SH3RF3: variants seen among roughly 807,000 people sequenced by gnomAD.
SH3RF3 encodes SH3 domain containing ring finger 3.
Under a neutral mutation model 66.3 loss-of-function variants are expected in SH3RF3, and 29 were observed. The ratio of observed to expected loss-of-function variants is 0.44; its 90% confidence interval spans 0.33 to 0.60. The LOEUF is 0.60. SH3RF3 is among the 20% of genes least tolerant of loss of function. The probability of loss-of-function intolerance (pLI) is 0.04; values close to 1 mark genes in which losing one functional copy is unlikely to be tolerated. For missense variants in SH3RF3, 1,194 were observed against 1,190.9 expected (o/e 1.00, Z -0.04); for synonymous variants, 583 against 532.0 (o/e 1.10, Z -1.32).
Position 109,318,071 on chromosome 2 carries a change from A to C in SH3RF3, c.574-29603A>C, listed in dbSNP as rs1681928595. 2.0e-5 allele frequency among the ~76,000 whole-genome samples: 3 copies of C among 149,352 alleles called. No homozygotes were observed. The South Asian group carries it at 6.3e-4, about 32-fold the overall frequency. On this transcript the variant is annotated intron_variant, in intron 1 of 9. Transcript: ENST00000309415. Reference sequence around the variant, plus strand: ...GATCCTTTCTCTCCTCTGTTTTTCTAAGCCATGAGCACGCTGAATTTCAGT... The same window carrying C: ...GATCCTTTCTCTCCTCTGTTTTTCTCAGCCATGAGCACGCTGAATTTCAGT...
chr2:109,199,610 A>T (rs1574499830), intron 1 of SH3RF3, among the ~76,000 whole-genome samples: 2 of 34 alleles, frequency 0.059, no homozygotes, highest in African/African-American at 0.1. Flanking sequence ...AATGGAATGG[A>T]ATGGAATGGA....
intron 1 of SH3RF3, among the ~76,000 whole-genome samples, chr2:109,224,572 A>G (rs752325220): frequency 7.3e-4 from 111 of 152,226 alleles, no homozygotes; most frequent in Non-Finnish European, 1.2e-3. Flanking sequence ...TTAAAATTTC[A>G]TTTTGCCAGG....
rs1288724412 is a variant in SH3RF3 at position 109,170,237 on chromosome 2, CTTT to C, written c.573+40126_573+40128del. On this transcript the variant is annotated intron_variant, in intron 1 of 9. Transcript: ENST00000309415. ...TCTCTTTTTTCTCTTCTCTTCTCTTCTTTTCTTTTCTCTTCTCTTCTCTTCTCT... is the reference window on the plus strand; with the variant it reads ...TCTCTTTTTTCTCTTCTCTTCTCTTCTCTTTTCTCTTCTCTTCTCTTCTCT... 2.6e-3 allele frequency among the ~76,000 whole-genome samples: 85 copies of C among 33,026 alleles called. 2 individuals are homozygous for C. The highest frequency in any genetic ancestry group is 8.2e-3 in the African/African-American group (58 of 7,104). The allele number at this position is 33,026 out of a possible 152,430, so 21.7% of individuals were successfully genotyped here. A position where few individuals can be genotyped will look rare whatever the true frequency, so the allele number is the denominator to read the frequency against.
At chr2:109,303,850 G>A (rs185231864) in intron 1 of SH3RF3, among the ~76,000 whole-genome samples, 192 of 152,282 alleles carry the variant, frequency 1.3e-3, no homozygotes, top group South Asian at 5.6e-3. Flanking sequence ...ACCTCTCAGA[G>A]TTGTGCATCG....
chr2:109,235,108 G>T (rs937035929), intron 1 of SH3RF3, among the ~76,000 whole-genome samples: 17 of 152,218 alleles, frequency 1.1e-4, no homozygotes, highest in African/African-American at 3.6e-4. Context: ...GCAATAAGCA[G>T]TACGGTTTTA....
chr2:109,463,315 C>T (rs559186624), intron 8 of SH3RF3, among the ~76,000 whole-genome samples: 15 of 152,342 alleles, frequency 9.8e-5, no homozygotes, highest in East Asian at 3.9e-4. Flanking sequence ...ACTTGTCTCA[C>T]GGTATTACCA....
intron 1 of SH3RF3, among the ~76,000 whole-genome samples, chr2:109,229,598 G>A (rs1275371376): frequency 6.6e-6 from 1 of 152,128 alleles, no homozygotes; most frequent in Non-Finnish European, 1.5e-5. Context: ...ACACTCATGA[G>A]CAAGTTGTTC....
Position 109,504,260 on chromosome 2 carries a change from C to G in SH3RF3, c.*2589C>G, listed in dbSNP as rs1679472224. 1 of 152,232 alleles carries G rather than the reference C, an allele frequency of 6.6e-6. No individual in the cohort carries two copies. Among genetic ancestry groups the G allele is most frequent in the Non-Finnish European group, 1.5e-5 (1 of 68,064 alleles). The allele number at this position is 152,232 out of a possible 1,614,324, so 9.4% of individuals were successfully genotyped here. ...TGTACACATCTTAGCCATGTAGTGG[C>G]CTTGGGGGGCCACAGAGATTTCCTT... On this transcript the variant is annotated 3_prime_UTR_variant, in exon 10 of 10. Transcript: ENST00000309415.
Position 109,218,608 on chromosome 2 carries a change from C to G in SH3RF3, c.573+88495C>G, listed in dbSNP as rs541725370. On this transcript the variant is annotated intron_variant, in intron 1 of 9. Transcript: ENST00000309415. ...AATACAGCCTCATCACCTCTCCTCT[C>G]AGCCAAAAAGCAACACAGAAATGCA... is the stretch of plus-strand genomic sequence containing the variant. Among the ~76,000 whole-genome samples, 3 of 152,308 alleles carry G rather than the reference C, an allele frequency of 2.0e-5. No homozygotes were observed. In the East Asian group the frequency reaches 5.8e-4, roughly 29 times the overall value.
At chr2:109,179,909 C>T (rs140433075) in intron 1 of SH3RF3, among the ~76,000 whole-genome samples, 119 of 152,292 alleles carry the variant, frequency 7.8e-4, no homozygotes, top group African/African-American at 2.8e-3. Context: ...TCAAAAAAGT[C>T]ACTGACGAAA....
At chr2:109,410,121 G>T (rs1444630861) in intron 4 of SH3RF3, among the ~76,000 whole-genome samples, 1 of 152,200 alleles carries the variant, frequency 6.6e-6, no homozygotes, top group Non-Finnish European at 1.5e-5. Flanking sequence ...AAAATGCAGC[G>T]GAGGAGGCTC....
intron 1 of SH3RF3, among the ~76,000 whole-genome samples, chr2:109,228,173 G>C (rs533387997): frequency 6.6e-6 from 1 of 152,272 alleles, no homozygotes; most frequent in Admixed American, 6.5e-5. Context: ...CAAACATGGT[G>C]CTACTTGCTT....
chr2:109,147,041 C>T (rs902729071), intron 1 of SH3RF3, among the ~76,000 whole-genome samples: 1 of 152,028 alleles, frequency 6.6e-6, no homozygotes, highest in East Asian at 1.9e-4. Flanking sequence ...TAAGTAGAGG[C>T]TCTGCCCTCC....
chr2:109,242,227 C>T (rs1038122569), intron 1 of SH3RF3, among the ~76,000 whole-genome samples: 2 of 152,112 alleles, frequency 1.3e-5, no homozygotes, highest in Non-Finnish European at 2.9e-5. Context: ...TTGGTAGCAC[C>T]TTGGCACCAT....
chr2:109,219,014 C>G (rs1331321583), intron 1 of SH3RF3, among the ~76,000 whole-genome samples: 2 of 152,218 alleles, frequency 1.3e-5, no homozygotes, highest in Non-Finnish European at 1.5e-5. Flanking sequence ...ACTGACCTCT[C>G]TTTCTTGGCT....
rs528369673 is a variant in SH3RF3, at chr2:109,322,969, CAA to C, written c.574-24703_574-24702del. ...GAGTGGGCAGGCAATATAAAGAGGC[CAA>C]ATCTGACTGTGGGCAAGGCTGCTGA... On this transcript the variant is annotated intron_variant, in intron 1 of 9. Coordinates refer to ENST00000309415, the MANE Select transcript of SH3RF3 (RefSeq NM_001099289.3). Among the ~76,000 whole-genome samples, 626 of 152,260 alleles carry C rather than the reference CAA, an allele frequency of 4.1e-3. 3 individuals carry two copies. Among genetic ancestry groups the C allele is most frequent in the African/African-American group, 0.014 (578 of 41,550 alleles).
chr2:109,257,748 A>G (rs1041827885), intron 1 of SH3RF3, among the ~76,000 whole-genome samples: 4 of 152,104 alleles, frequency 2.6e-5, no homozygotes, highest in Admixed American at 2.6e-4. Context: ...AAAAAAACCA[A>G]GGGGCCCCAA....
intron 1 of SH3RF3, among the ~76,000 whole-genome samples, chr2:109,301,344 G>T (rs1256795139): frequency 6.0e-5 from 8 of 133,010 alleles, no homozygotes; most frequent in Non-Finnish European, 9.6e-5. Flanking sequence ...ACGTGTGTGT[G>T]TGTGTGTGTT....
intron 1 of SH3RF3, among the ~76,000 whole-genome samples, chr2:109,331,605 G>A (rs1292055662): frequency 2.0e-5 from 3 of 151,994 alleles, no homozygotes; most frequent in East Asian, 1.9e-4. Context: ...ACTATACTAC[G>A]TACTTTTAAT....
Sources: allele counts gnomAD v4.1 joint callset (sites outside exome capture counted in the v4.1 genomes callset), GRCh38; gene constraint gnomAD v4.1.1; transcripts MANE v1.5; gene names NCBI Gene and HGNC (gene_info 2026-07-23, HGNC 2026-07-21).